TBC1D5: variants seen among roughly 807,000 people sequenced by gnomAD.
TBC1D5 encodes the protein TBC1 domain family member 5.
Under a neutral mutation model 100.3 loss-of-function variants are expected in TBC1D5, and 75 were observed. The ratio of observed to expected loss-of-function variants is 0.75; its 90% confidence interval spans 0.62 to 0.91. TBC1D5 has a LOEUF of 0.91. Among genes scored for constraint, TBC1D5 ranks in the 40% least tolerant of loss-of-function variants. The pLI, the probability that TBC1D5 is intolerant of heterozygous loss-of-function variation, is 0.00. For synonymous variants in TBC1D5, 323 were observed against 325.6 expected, an observed-to-expected ratio of 0.99 and a Z score of 0.09; for missense variants, 910 against 942.4, an observed-to-expected ratio of 0.97 and a Z score of 0.45.
At chr3:17,401,213 ATGTG>A (rs1057054196) in intron 8 of TBC1D5, among the ~76,000 whole-genome samples, 1 of 151,180 alleles carries the variant, frequency 6.6e-6, no homozygotes, top group East Asian at 2.0e-4. Flanking sequence ...AAAACACTGT[ATGTG>A]TGTGTACATA....
At chr3:17,422,231 C>T (rs760805700) in intron 4 of TBC1D5, among the ~76,000 whole-genome samples, 5 of 152,054 alleles carry the variant, frequency 3.3e-5, no homozygotes, top group African/African-American at 9.7e-5. Context: ...CACAGTGGTG[C>T]GATCTTGGCT....
At chr3:17,687,714 A>G (rs376907395) in intron 1 of TBC1D5, among the ~76,000 whole-genome samples, 1 of 152,216 alleles carries the variant, frequency 6.6e-6, no homozygotes, top group Admixed American at 6.5e-5. Context: ...GGCAGCAGGA[A>G]GAAGTCTGAA....
chr3:17,609,776 G>C (rs2061553830), intron 2 of TBC1D5, among the ~76,000 whole-genome samples: 1 of 152,128 alleles, frequency 6.6e-6, no homozygotes. Flanking sequence ...CCTATACACA[G>C]CCTAAAAGGA....
intron 3 of TBC1D5, among the ~76,000 whole-genome samples, chr3:17,475,094 T>C (rs2095422121): frequency 1.3e-5 from 2 of 152,156 alleles, no homozygotes; most frequent in Admixed American, 1.3e-4. Context: ...TCCTAACTTG[T>C]CTGAATTTTT....
intron 3 of TBC1D5, among the ~76,000 whole-genome samples, chr3:17,489,832 C>T (rs543432160): frequency 6.6e-6 from 1 of 152,284 alleles, no homozygotes; most frequent in Admixed American, 6.5e-5. Context: ...GTGCATGTAT[C>T]GTTGTAATAG....
intron 3 of TBC1D5, among the ~76,000 whole-genome samples, chr3:17,488,529 G>A (rs2095598864): frequency 1.3e-5 from 2 of 152,170 alleles, no homozygotes; most frequent in South Asian, 4.1e-4. Flanking sequence ...GTAAGAGTAT[G>A]TACAATTTTG....
chr3:17,679,767 A>AT (rs1270616332), intron 1 of TBC1D5, among the ~76,000 whole-genome samples: 8 of 151,570 alleles, frequency 5.3e-5, no homozygotes, highest in Non-Finnish European at 8.8e-5. Context: ...ACTTATCAAT[A>AT]TTTTTATATA....
rs1441069775 is a variant in TBC1D5 at position 17,584,550 on chromosome 3, T to G, written c.-36+39299A>C. On this transcript the variant is annotated intron_variant, in intron 2 of 21. Transcript: ENST00000253692. The stretch of plus-strand genomic sequence containing the variant: ...TAATTCTTTAAGCTTCATTTCAGGG[T>G]TTTTTTTTCCTCTGTGAAATTCAAG... Among the ~76,000 whole-genome samples, 8 of 151,630 alleles carry G rather than the reference T, an allele frequency of 5.3e-5. No homozygotes were observed. In the East Asian group the frequency reaches 1.4e-3, roughly 26 times the overall value.
At chr3:17,724,320 A>T (rs1204603205) in intron 1 of TBC1D5, among the ~76,000 whole-genome samples, 1 of 151,902 alleles carries the variant, frequency 6.6e-6, no homozygotes, top group Non-Finnish European at 1.5e-5. Context: ...GTCTCAAACT[A>T]TTGGGCCCAA....
chr3:17,475,174 G>GCCCCC (rs146719921), intron 3 of TBC1D5, among the ~76,000 whole-genome samples: 13 of 150,070 alleles, frequency 8.7e-5, no homozygotes, highest in African/African-American at 3.2e-4. Context: ...GTTCTACCTT[G>GCCCCC]CCCCGCCCCA....
At chr3:17,449,058 G>C (rs2094864261) in intron 3 of TBC1D5, among the ~76,000 whole-genome samples, 2 of 152,276 alleles carry the variant, frequency 1.3e-5, no homozygotes, top group South Asian at 2.1e-4. Flanking sequence ...ATTGGGACTG[G>C]TTAGAAAGTG....
chr3:17,410,559 C>T (rs138143444), intron 4 of TBC1D5, among the ~76,000 whole-genome samples: 1 of 152,206 alleles, frequency 6.6e-6, no homozygotes, highest in Non-Finnish European at 1.5e-5. Flanking sequence ...GGTAAGGATT[C>T]ACCATTCTAG....
chr3:17,168,444 C>G (rs1292386279), intron 19 of TBC1D5, among the ~76,000 whole-genome samples: 1 of 152,164 alleles, frequency 6.6e-6, no homozygotes, highest in Non-Finnish European at 1.5e-5. Flanking sequence ...GAGGGACCCA[C>G]CAAGCCAGCT....
chr3:17,273,403 T>A (rs1575074700), intron 15 of TBC1D5, among the ~76,000 whole-genome samples: 1 of 152,152 alleles, frequency 6.6e-6, no homozygotes, highest in African/African-American at 2.4e-5. Context: ...GACTCCTAAG[T>A]CTGTAATTCT....
chr3:17,304,937 A>AT (rs2083256996), intron 14 of TBC1D5, among the ~76,000 whole-genome samples: 1 of 152,132 alleles, frequency 6.6e-6, no homozygotes, highest in Non-Finnish European at 1.5e-5. Context: ...CTTTGTTTTT[A>AT]TTTAGTTATC....
intron 2 of TBC1D5, among the ~76,000 whole-genome samples, chr3:17,539,612 A>C (rs1463961210): frequency 1.3e-5 from 2 of 152,196 alleles, no homozygotes; most frequent in African/African-American, 4.8e-5. Flanking sequence ...AATGCTGGTC[A>C]GTTGTGCCTG....
chr3:17,303,604 G>T (rs2083081818), intron 14 of TBC1D5, among the ~76,000 whole-genome samples: 1 of 152,158 alleles, frequency 6.6e-6, no homozygotes, highest in Non-Finnish European at 1.5e-5. Flanking sequence ...ATACCAAGCA[G>T]ATCTAGAACT....
intron 13 of TBC1D5, among the ~76,000 whole-genome samples, chr3:17,327,409 T>C (rs1368375636): frequency 6.6e-6 from 1 of 152,228 alleles, no homozygotes; most frequent in Admixed American, 6.5e-5. Flanking sequence ...ATCTATGTCC[T>C]TAAAATGGCT....
intron 19 of TBC1D5, among the ~76,000 whole-genome samples, chr3:17,179,138 T>C (rs2068146458): frequency 6.6e-6 from 1 of 152,212 alleles, no homozygotes; most frequent in Admixed American, 6.5e-5. Flanking sequence ...TTTAACAAGA[T>C]CTTCAGGTGA....
Sources: gnomAD v4.1 joint callset for allele counts (sites outside exome capture counted in the v4.1 genomes callset) on GRCh38, gnomAD v4.1.1 for gene constraint, MANE v1.5 for transcripts, NCBI Gene and HGNC (gene_info 2026-07-23, HGNC 2026-07-21) for gene names.